XKR6: variants seen among roughly 807,000 people sequenced by gnomAD.
XKR6 encodes XK related 6.
XKR6 carries 22 observed loss-of-function variants against 56.7 expected under a neutral mutation model. The observed-to-expected ratio is 0.39, with a 90% CI of 0.28 to 0.55. XKR6 has a LOEUF of 0.55. Among genes scored for constraint, XKR6 ranks in the 20% least tolerant of loss-of-function variants. The pLI is 0.66. For synonymous variants in XKR6, 524 were observed against 387.8 expected (o/e 1.35, Z -4.13); for missense variants, 852 against 889.0 (o/e 0.96, Z 0.53).
chr8:10,968,340 A>G (rs1023292894), intron 1 of XKR6, among the ~76,000 whole-genome samples: 1 of 152,272 alleles, frequency 6.6e-6, no homozygotes, highest in Non-Finnish European at 1.5e-5. Flanking sequence ...AGAAGTTAGC[A>G]TCTTAATAAG....
At chr8:10,991,593 T>A (rs754702530) in intron 1 of XKR6, among the ~76,000 whole-genome samples, 1 of 152,306 alleles carries the variant, frequency 6.6e-6, no homozygotes, top group Non-Finnish European at 1.5e-5. Context: ...TATAAAAGCA[T>A]ACTCTATGGA....
At chr8:11,098,215 A>C (rs1689561649) in intron 1 of XKR6, among the ~76,000 whole-genome samples, 1 of 152,014 alleles carries the variant, frequency 6.6e-6, no homozygotes, top group Non-Finnish European at 1.5e-5. Context: ...ACTCTCTCAC[A>C]CACACACACG....
intron 1 of XKR6, among the ~76,000 whole-genome samples, chr8:10,985,597 TAAA>T (rs35383772): frequency 1.0e-4 from 14 of 136,340 alleles, no homozygotes; most frequent in Non-Finnish European, 1.3e-4. Context: ...ATCTTTTGGT[TAAA>T]AAAAAAAAAA....
At chr8:11,030,689 GT>G (rs1563356264) in intron 1 of XKR6, among the ~76,000 whole-genome samples, 3 of 152,048 alleles carry the variant, frequency 2.0e-5, no homozygotes, top group Non-Finnish European at 2.9e-5. Context: ...ACAGCAGCAG[GT>G]TCCCCTAGGA....
chr8:11,010,204 C>T (rs1798468101), intron 1 of XKR6, among the ~76,000 whole-genome samples: 1 of 152,140 alleles, frequency 6.6e-6, no homozygotes, highest in South Asian at 2.1e-4. Context: ...TTTCAAACAA[C>T]CAGATTTCAT....
At chr8:11,135,333 A>C (rs1295288846) in intron 1 of XKR6, among the ~76,000 whole-genome samples, 1 of 152,194 alleles carries the variant, frequency 6.6e-6, no homozygotes, top group Non-Finnish European at 1.5e-5. Flanking sequence ...CCGGCCAAAA[A>C]GCCCTAAATT....
At chr8:10,975,484 T>C (rs887365658) in intron 1 of XKR6, among the ~76,000 whole-genome samples, 1 of 152,234 alleles carries the variant, frequency 6.6e-6, no homozygotes, top group Non-Finnish European at 1.5e-5. Context: ...GCTTGCCCAC[T>C]GCGAGAGTTT....
intron 1 of XKR6, among the ~76,000 whole-genome samples, chr8:10,941,642 G>A (rs941939736): frequency 6.6e-6 from 1 of 152,238 alleles, no homozygotes; most frequent in African/African-American, 2.4e-5. Context: ...GGGACTGTGT[G>A]GTAGGGCTGG....
intron 1 of XKR6, among the ~76,000 whole-genome samples, chr8:11,170,312 A>G (rs1265448480): frequency 6.6e-6 from 1 of 152,222 alleles, no homozygotes. Context: ...TCCCAACTCA[A>G]ATACTAAAAG....
intron 2 of XKR6, among the ~76,000 whole-genome samples, chr8:10,899,521 C>T (rs1016733944): frequency 1.3e-5 from 2 of 152,242 alleles, no homozygotes; most frequent in African/African-American, 4.8e-5. Flanking sequence ...AGATCCAGGA[C>T]ACTGGGATAT....
At chr8:11,005,484 C>T (rs28572202) in intron 1 of XKR6, among the ~76,000 whole-genome samples, 2,057 of 152,010 alleles carry the variant, frequency 0.014, 48 homozygotes, top group African/African-American at 0.046. Flanking sequence ...TGGAAATGGA[C>T]GGTGGTAATG....
chr8:11,107,558 G>C (rs538442011), intron 1 of XKR6, among the ~76,000 whole-genome samples: 9 of 152,150 alleles, frequency 5.9e-5, no homozygotes, highest in Non-Finnish European at 1.0e-4. Context: ...GAAGTGGTGA[G>C]GACAGAGAAT....
chr8:11,046,776 G>A (rs759632934), intron 1 of XKR6, among the ~76,000 whole-genome samples: 1 of 152,162 alleles, frequency 6.6e-6, no homozygotes, highest in Non-Finnish European at 1.5e-5. Flanking sequence ...TAAAGATATA[G>A]ATACATAGAT....
intron 1 of XKR6, among the ~76,000 whole-genome samples, chr8:10,984,726 CTCTCTCTATATA>C (rs1797817144): frequency 1.4e-5 from 1 of 70,304 alleles, no homozygotes; most frequent in East Asian, 2.2e-4. Flanking sequence ...CTCTCTCTCT[CTCTCTCTATATA>C]TATATATATA....
intron 1 of XKR6, among the ~76,000 whole-genome samples, chr8:11,187,522 T>C (rs983177532): frequency 4.0e-5 from 6 of 151,788 alleles, no homozygotes; most frequent in African/African-American, 9.7e-5. Flanking sequence ...GGAGAAGGAG[T>C]GTTGGTTCAC....
chr8:11,163,232 T>C (rs1029631464), intron 1 of XKR6, among the ~76,000 whole-genome samples: 4 of 152,238 alleles, frequency 2.6e-5, no homozygotes, highest in Non-Finnish European at 5.9e-5. Flanking sequence ...TCACCATTCT[T>C]TAAACATGAG....
chr8:11,138,836 A>T (rs1192803316), intron 1 of XKR6, among the ~76,000 whole-genome samples: 3 of 152,188 alleles, frequency 2.0e-5, no homozygotes, highest in African/African-American at 7.2e-5. Context: ...TTCTCTAAAC[A>T]GGCAAACTAT....
At chr8:10,920,261 A>G (rs1341906832) in intron 2 of XKR6, among the ~76,000 whole-genome samples, 1 of 152,210 alleles carries the variant, frequency 6.6e-6, no homozygotes, top group African/African-American at 2.4e-5. Flanking sequence ...TCCATCTACA[A>G]TAAAAGAACC....
rs143019769 is a variant in XKR6, at chr8:11,012,131, A to G, written c.765-87301T>C. Among the ~76,000 whole-genome samples, 258 of 152,248 alleles carry G rather than the reference A, an allele frequency of 1.7e-3. 2 individuals carry two copies. The highest frequency in any genetic ancestry group is 5.6e-3 in the African/African-American group (231 of 41,546). On this transcript the variant is annotated intron_variant, in intron 1 of 2. Coordinates refer to ENST00000416569, the MANE Select transcript of XKR6 (RefSeq NM_173683.4). ...CAGATGGAGGAGTCCGCCTACCTCA[A>G]CTGTGCCCAGGGCCAGCACTGCAGA...
Sources: gnomAD v4.1 joint callset for allele counts (sites outside exome capture counted in the v4.1 genomes callset) on GRCh38, gnomAD v4.1.1 for gene constraint, MANE v1.5 for transcripts, NCBI Gene and HGNC (gene_info 2026-07-23, HGNC 2026-07-21) for gene names.